IPO11: variants seen among roughly 807,000 people sequenced by gnomAD.
IPO11 encodes the protein importin-11.
In IPO11, 66 loss-of-function variants were observed where a neutral mutation model predicts 143.2. The observed-to-expected ratio is 0.46, with a 90% CI of 0.38 to 0.57. IPO11 has a LOEUF of 0.57. Ranked by LOEUF, IPO11 falls within the 20% of genes least tolerant of loss-of-function variation. IPO11 has a pLI of 0.00. For synonymous variants in IPO11, 385 were observed against 377.8 expected (o/e 1.02, Z -0.22); for missense variants, 1,026 against 1,141.0 (o/e 0.90, Z 1.45).
At chr5:62,550,220 G>A (rs1743344178) in intron 24 of IPO11, 147 bp from the exon 25 acceptor site, 1 of 546,832 alleles carries the variant, frequency 1.8e-6, no homozygotes, top group Admixed American at 3.3e-5. Context: ...AGTGTGTCTA[G>A]TGTCAGAATA....
intron 27 of IPO11, among the ~76,000 whole-genome samples, chr5:62,574,537 C>T (rs1056197043): frequency 2.2e-4 from 33 of 152,078 alleles, no homozygotes; most frequent in African/African-American, 7.2e-4. Flanking sequence ...GATTAGTGTT[C>T]CAAAGGTTTC....
intron 21 of IPO11, among the ~76,000 whole-genome samples, chr5:62,528,998 T>C (rs574346597): frequency 3.4e-4 from 52 of 152,270 alleles, no homozygotes; most frequent in African/African-American, 1.1e-3. Flanking sequence ...ACCTTTGGCT[T>C]TGGTTCTCTT....
At chr5:62,482,082 T>C (rs1746233033) in intron 9 of IPO11, among the ~76,000 whole-genome samples, 1 of 152,200 alleles carries the variant, frequency 6.6e-6, no homozygotes, top group Non-Finnish European at 1.5e-5. Flanking sequence ...TGCTTAGAAG[T>C]GTTTACAGTG....
At chr5:62,623,797 T>G (rs183229337) in intron 29 of IPO11, among the ~76,000 whole-genome samples, 7 of 151,832 alleles carry the variant, frequency 4.6e-5, no homozygotes, top group African/African-American at 1.7e-4. Context: ...TGTATTTTTC[T>G]AGTAGAGATA....
chr5:62,604,035 C>G (rs1309398897), intron 29 of IPO11, among the ~76,000 whole-genome samples: 1 of 152,170 alleles, frequency 6.6e-6, no homozygotes, highest in South Asian at 2.1e-4. Flanking sequence ...ACCATGTAGC[C>G]TAGGTGTATT....
intron 1 of IPO11, among the ~76,000 whole-genome samples, chr5:62,416,215 T>C (rs922993106): frequency 2.1e-5 from 3 of 143,598 alleles, no homozygotes; most frequent in African/African-American, 7.7e-5. Flanking sequence ...GGAGCCTCGC[T>C]CTTGTCTCCC....
intron 27 of IPO11, chr5:62,581,335 T>G: frequency 6.9e-7 from 1 of 1,452,620 alleles, no homozygotes; most frequent in South Asian, 1.5e-5. Context: ...TATAAGAAAC[T>G]TCAGTGCCAT....
chr5:62,543,891 G>C (rs1268054073), intron 24 of IPO11, among the ~76,000 whole-genome samples: 1 of 152,024 alleles, frequency 6.6e-6, no homozygotes, highest in Non-Finnish European at 1.5e-5. Context: ...TTGTGTCATT[G>C]TTCTCGTTGG....
chr5:62,427,553 G>C (rs1454395513), intron 1 of IPO11, among the ~76,000 whole-genome samples: 2 of 152,216 alleles, frequency 1.3e-5, no homozygotes, highest in African/African-American at 4.8e-5. Context: ...TGGGTGGAGA[G>C]TGAGCATTAC....
intron 18 of IPO11, among the ~76,000 whole-genome samples, chr5:62,505,583 T>C (rs1459876675): frequency 2.6e-5 from 4 of 152,112 alleles, no homozygotes; most frequent in African/African-American, 9.6e-5. Flanking sequence ...TGTAGAAGTG[T>C]GTGCTAAAAT....
chr5:62,464,720 G>T (rs1302646287), intron 5 of IPO11, among the ~76,000 whole-genome samples: 2 of 152,108 alleles, frequency 1.3e-5, no homozygotes. Flanking sequence ...GTGATCATCT[G>T]CCTCTGCCTC....
At chr5:62,414,837 A>G (rs1268059648) in intron 1 of IPO11, among the ~76,000 whole-genome samples, 1 of 152,218 alleles carries the variant, frequency 6.6e-6, no homozygotes, top group African/African-American at 2.4e-5. Flanking sequence ...ACAAACCGGT[A>G]TAAAAATTTA....
intron 28 of IPO11, among the ~76,000 whole-genome samples, chr5:62,594,640 C>T (rs2112433350): frequency 6.6e-6 from 1 of 152,344 alleles, no homozygotes; most frequent in East Asian, 1.9e-4. Flanking sequence ...TTGCTGGGCA[C>T]TCAGTATCTC....
At chr5:62,420,953 G>T (rs1359269106) in intron 1 of IPO11, among the ~76,000 whole-genome samples, 1 of 152,204 alleles carries the variant, frequency 6.6e-6, no homozygotes, top group Non-Finnish European at 1.5e-5. Flanking sequence ...GAGACAGCTA[G>T]ATAGCTCTCC....
At chr5:62,556,567 C>A (rs1294558558) in intron 26 of IPO11, among the ~76,000 whole-genome samples, 1 of 151,948 alleles carries the variant, frequency 6.6e-6, no homozygotes, top group Non-Finnish European at 1.5e-5. Flanking sequence ...AGCGAGACTC[C>A]ATCTCTACAA....
At chr5:62,478,975 T>C (rs1188312391) in intron 9 of IPO11, among the ~76,000 whole-genome samples, 2 of 152,234 alleles carry the variant, frequency 1.3e-5, no homozygotes, top group Admixed American at 1.3e-4. Context: ...CTAGGGTACA[T>C]GTGCACAATG....
chr5:62,495,162 C>T (rs1741092419), intron 16 of IPO11, among the ~76,000 whole-genome samples: 1 of 152,100 alleles, frequency 6.6e-6, no homozygotes, highest in Admixed American at 6.5e-5. Context: ...AATTTAAGTA[C>T]CATTCTGTAA....
At chr5:62,621,490 C>G (rs907515887) in intron 29 of IPO11, among the ~76,000 whole-genome samples, 1 of 152,154 alleles carries the variant, frequency 6.6e-6, no homozygotes, top group African/African-American at 2.4e-5. Flanking sequence ...TGTCCTCCCA[C>G]GGAGCAGGCG....
chr5:62,604,031 T>C (rs946318873), intron 29 of IPO11, among the ~76,000 whole-genome samples: 3 of 152,228 alleles, frequency 2.0e-5, no homozygotes, highest in Non-Finnish European at 4.4e-5. Flanking sequence ...TTATACCATG[T>C]AGCCTAGGTG....
Sources: allele counts gnomAD v4.1 joint callset (sites outside exome capture counted in the v4.1 genomes callset), GRCh38; gene constraint gnomAD v4.1.1; transcripts MANE v1.5; gene names NCBI Gene and HGNC (gene_info 2026-07-23, HGNC 2026-07-21).